Variants in CLSTN2 observed in about 807,000 individuals in gnomAD.
The protein encoded by CLSTN2 is calsyntenin-2.
A neutral mutation model predicts 101.2 loss-of-function variants in CLSTN2; 48 were observed. That is an observed-to-expected ratio of 0.47 (90% CI 0.38 to 0.60). CLSTN2 has a LOEUF of 0.60. Ranked by LOEUF, CLSTN2 falls within the 20% of genes least tolerant of loss-of-function variation. CLSTN2 has a pLI of 0.00. For missense variants in CLSTN2, 1,160 were observed against 1,238.2 expected (o/e 0.94, Z 0.95); for synonymous variants, 481 against 463.6 (o/e 1.04, Z -0.48).
At chr3:140,224,656 A>G (rs2086303325) in intron 2 of CLSTN2, among the ~76,000 whole-genome samples, 1 of 152,214 alleles carries the variant, frequency 6.6e-6, no homozygotes. Context: ...TCATATAATC[A>G]GTCATAACCA....
At chr3:140,409,329 C>A (rs189505759) in intron 4 of CLSTN2, among the ~76,000 whole-genome samples, 4 of 152,366 alleles carry the variant, frequency 2.6e-5, no homozygotes, top group Non-Finnish European at 5.9e-5. Flanking sequence ...CAGGGCACCA[C>A]TGAGTATACC....
chr3:140,312,802 G>A (rs1035721101), intron 2 of CLSTN2, among the ~76,000 whole-genome samples: 1 of 152,146 alleles, frequency 6.6e-6, no homozygotes, highest in Non-Finnish European at 1.5e-5. Flanking sequence ...TCTGACAGTA[G>A]TTACATGGGA....
At chr3:140,565,118 C>G (rs893626533) in intron 16 of CLSTN2, among the ~76,000 whole-genome samples, 1 of 152,162 alleles carries the variant, frequency 6.6e-6, no homozygotes, top group Non-Finnish European at 1.5e-5. Context: ...AAAACAAGAC[C>G]ACTATACCTG....
intron 5 of CLSTN2, among the ~76,000 whole-genome samples, chr3:140,427,227 G>GTATATATA (rs1485211588): frequency 1.5e-5 from 1 of 68,434 alleles, no homozygotes; most frequent in African/African-American, 8.2e-5. Flanking sequence ...ATATATATGT[G>GTATATATA]TGTATATATA....
At chr3:140,076,452 T>C (rs1167224867) in intron 1 of CLSTN2, among the ~76,000 whole-genome samples, 1 of 151,970 alleles carries the variant, frequency 6.6e-6, no homozygotes, top group Non-Finnish European at 1.5e-5. Flanking sequence ...AGTGCTCCTA[T>C]AGTTAAAGCA....
chr3:140,489,398 T>C (rs1054911293), intron 8 of CLSTN2, among the ~76,000 whole-genome samples: 5 of 152,210 alleles, frequency 3.3e-5, no homozygotes, highest in Non-Finnish European at 7.3e-5. Flanking sequence ...AGGGCTGCTG[T>C]GTGCTAGAGA....
chr3:140,032,034 C>G (rs1340990953), intron 1 of CLSTN2, among the ~76,000 whole-genome samples: 1 of 152,176 alleles, frequency 6.6e-6, no homozygotes, highest in Non-Finnish European at 1.5e-5. Flanking sequence ...GTGCTCTATA[C>G]CCAGAACAAG....
At chr3:140,403,232 G>A (rs1016729604) in intron 2 of CLSTN2, among the ~76,000 whole-genome samples, 13 of 152,338 alleles carry the variant, frequency 8.5e-5, no homozygotes, top group Middle Eastern at 3.4e-3. Context: ...TGTTTCAAAA[G>A]AGAAAACTGC....
At chr3:140,377,042 A>AGAGAGAGAGAGAGATG (rs143529942) in intron 2 of CLSTN2, among the ~76,000 whole-genome samples, 1 of 149,688 alleles carries the variant, frequency 6.7e-6, no homozygotes, top group African/African-American at 2.5e-5. Flanking sequence ...GAGAGAGAGG[A>AGAGAGAGAGAGAGATG]TGTGTGTGTG....
intron 2 of CLSTN2, among the ~76,000 whole-genome samples, chr3:140,192,830 GTGT>G (rs2010588690): frequency 6.6e-6 from 1 of 151,638 alleles, no homozygotes; most frequent in Non-Finnish European, 1.5e-5. Context: ...TTTTATTTTT[GTGT>G]TGTTCTATTT....
At chr3:140,222,025 T>C (rs567546914) in intron 2 of CLSTN2, among the ~76,000 whole-genome samples, 1 of 152,196 alleles carries the variant, frequency 6.6e-6, no homozygotes, top group South Asian at 2.1e-4. Flanking sequence ...TTGCCATATT[T>C]ATTGTGGTGC....
chr3:140,017,236 G>A (rs1028210376), intron 1 of CLSTN2, among the ~76,000 whole-genome samples: 3 of 152,178 alleles, frequency 2.0e-5, no homozygotes, highest in Admixed American at 1.3e-4. Context: ...GCTTGAGCCT[G>A]GGCAGGTACT....
At chr3:140,242,821 C>T (rs1169162449) in intron 2 of CLSTN2, among the ~76,000 whole-genome samples, 1 of 152,208 alleles carries the variant, frequency 6.6e-6, no homozygotes, top group Non-Finnish European at 1.5e-5. Flanking sequence ...CAAGAGGTTG[C>T]ATCCCCTAGG....
At chr3:140,417,746 A>G (rs897855182) in intron 4 of CLSTN2, among the ~76,000 whole-genome samples, 1 of 152,222 alleles carries the variant, frequency 6.6e-6, no homozygotes, top group African/African-American at 2.4e-5. Context: ...AACAGAAGCA[A>G]AACAGGTGAC....
chr3:140,132,685 G>C (rs1335102697), intron 1 of CLSTN2, among the ~76,000 whole-genome samples: 2 of 152,158 alleles, frequency 1.3e-5, no homozygotes. Context: ...TTTTAAAACA[G>C]TTTTATACTT....
chr3:140,524,388 G>A (rs1220570372), intron 8 of CLSTN2, among the ~76,000 whole-genome samples: 1 of 152,158 alleles, frequency 6.6e-6, no homozygotes, highest in African/African-American at 2.4e-5. Flanking sequence ...AAATATAAGA[G>A]GCCATATGTG....
chr3:140,498,361 G>A (rs528039884), intron 8 of CLSTN2, among the ~76,000 whole-genome samples: 26 of 152,274 alleles, frequency 1.7e-4, no homozygotes, highest in African/African-American at 6.3e-4. Context: ...ATGGAGTGAG[G>A]TGCTGTTGGG....
chr3:140,164,200 C>T (rs2010097453), intron 1 of CLSTN2, among the ~76,000 whole-genome samples: 1 of 150,122 alleles, frequency 6.7e-6, no homozygotes, highest in South Asian at 2.1e-4. Flanking sequence ...TGCATGGCTC[C>T]TGATCTTCTT....
chr3:140,301,341 A>G (rs954664842), intron 2 of CLSTN2, among the ~76,000 whole-genome samples: 2 of 152,216 alleles, frequency 1.3e-5, no homozygotes, highest in African/African-American at 4.8e-5. Context: ...ATTACGTGGT[A>G]ACATAAATTA....
Sources: allele counts gnomAD v4.1 joint callset (sites outside exome capture counted in the v4.1 genomes callset), GRCh38; gene constraint gnomAD v4.1.1; transcripts MANE v1.5; gene names NCBI Gene and HGNC (gene_info 2026-07-23, HGNC 2026-07-21).